EML1: variants seen among roughly 807,000 people sequenced by gnomAD.
EML1 encodes the protein EMAP like 1.
A neutral mutation model predicts 110.4 loss-of-function variants in EML1; 27 were observed. That is an observed-to-expected ratio of 0.24 (90% CI 0.18 to 0.34). The LOEUF (loss-of-function observed/expected upper bound fraction) is 0.34. Ranked by LOEUF, EML1 falls within the 10% of genes least tolerant of loss-of-function variation. EML1 has a pLI of 1.00. For synonymous variants in EML1, 344 were observed against 385.8 expected (o/e 0.89, Z 1.27); for missense variants, 741 against 1,030.9 (o/e 0.72, Z 3.85).
chr14:99,870,190 A>G (rs952095396), intron 3 of EML1, among the ~76,000 whole-genome samples: 1 of 152,236 alleles, frequency 6.6e-6, no homozygotes, highest in Non-Finnish European at 1.5e-5. Context: ...AGAAAGTTTG[A>G]GTGGTCAGAA....
intron 4 of EML1, among the ~76,000 whole-genome samples, chr14:99,887,531 T>A (rs1475906352): frequency 1.2e-5 from 1 of 82,048 alleles, no homozygotes; most frequent in East Asian, 2.5e-4. Context: ...GACTGGGCAT[T>A]CTCCCCCGCA....
upstream of EML1, among the ~76,000 whole-genome samples, chr14:99,768,073 T>G (rs2057385211): frequency 6.6e-6 from 1 of 152,106 alleles, no homozygotes. Context: ...TCACCCTGAT[T>G]TGAAGTCACT....
chr14:99,866,617 T>C (rs144041980), intron 3 of EML1, among the ~76,000 whole-genome samples: 1 of 148,270 alleles, frequency 6.7e-6, no homozygotes, highest in African/African-American at 2.5e-5. Context: ...GTGTTAAGTA[T>C]ATTCACGCAT....
At chr14:99,904,296 T>C (rs1486099082) in intron 9 of EML1, among the ~76,000 whole-genome samples, 1 of 152,202 alleles carries the variant, frequency 6.6e-6, no homozygotes, top group African/African-American at 2.4e-5. Context: ...TTAATTTCTC[T>C]CAAACTTTCG....
chr14:99,872,545 T>C (rs2059223373), intron 3 of EML1, among the ~76,000 whole-genome samples: 1 of 152,240 alleles, frequency 6.6e-6, no homozygotes, highest in Non-Finnish European at 1.5e-5. Context: ...TTTTCTAGAC[T>C]GAGTGTCCAA....
chr14:99,907,640 T>C lies in EML1; in HGVS notation c.1011T>C (p.Asn337=), dbSNP rs764209292. 3 of 1,614,010 alleles carry C rather than the reference T, an allele frequency of 1.9e-6. No individual in the cohort carries two copies. The highest frequency in any genetic ancestry group is 1.1e-5 in the South Asian group (1 of 90,996). ...AVTCIAFSKS[N]GGTNLCAVDD... ...CCTGTGAATAACTTTCTTTTCAGAATGGAGGAACCAATCTCTGTGCTGTGG... is the reference window on the plus strand; with the variant it reads ...CCTGTGAATAACTTTCTTTTCAGAACGGAGGAACCAATCTCTGTGCTGTGG... The change falls in exon 10 of 22, where the codon AAT becomes AAC. Residue 337 remains asparagine, a splice_region_variant and synonymous_variant. Transcript: ENST00000262233.
rs2060473186 is a variant in EML1, at chr14:99,936,447, A to G, written c.2095+113A>G. On this transcript the variant is annotated intron_variant, in intron 19 of 21. Coordinates refer to ENST00000262233, the MANE Select transcript of EML1 (RefSeq NM_004434.3). This position sits in a 1 kb window ranked among gnomAD's most constrained non-coding sequence, Gnocchi z 5.5. ...CTGTATGACTTAGGCACGTGCCATCATCTCTAGGTCATGGTTTCCGCCTCT... is the reference window on the plus strand; with the variant it reads ...CTGTATGACTTAGGCACGTGCCATCGTCTCTAGGTCATGGTTTCCGCCTCT... The G allele has an allele frequency of 3.2e-6, 3 of 936,430 alleles. No homozygotes were observed. The highest frequency in any genetic ancestry group is 1.6e-5 in the African/African-American group (1 of 60,616). 58.0% of individuals were successfully genotyped at this position (936,430 alleles called of 1,614,324 possible). A position where few individuals can be genotyped will look rare whatever the true frequency, so the allele number is the denominator to read the frequency against.
chr14:99,939,273 A>C lies in EML1; in HGVS notation c.2268A>C (p.Thr756=). ...CRAHEKKLLS[T]GDDFGKVHLF... is the part of the protein sequence containing the mutation. The stretch of plus-strand genomic sequence containing the variant: ...CCCATGAGAAGAAACTCCTGTCAAC[A>C]GGCGACGACTTTGGCAAAGTGCACC... The change falls in exon 21 of 22, where the codon ACA becomes ACC. Residue 756 remains threonine (T), a synonymous_variant. Transcript: ENST00000262233. This position sits in a 1 kb window ranked among gnomAD's most constrained non-coding sequence, Gnocchi z 4.2. The C allele has an allele frequency of 1.2e-6, 2 of 1,614,224 alleles. No homozygotes were observed. Among genetic ancestry groups the C allele is most frequent in the Non-Finnish European group, 8.5e-7 (1 of 1,180,038 alleles).
At chr14:99,929,869 A>T (rs2060335791) in intron 17 of EML1, among the ~76,000 whole-genome samples, 1 of 152,180 alleles carries the variant, frequency 6.6e-6, no homozygotes, top group Non-Finnish European at 1.5e-5. Context: ...TGATGAAATG[A>T]TGAGGGCTTT....
intron 1 of EML1, among the ~76,000 whole-genome samples, chr14:99,741,556 G>A (rs1386740942): frequency 6.6e-6 from 1 of 152,000 alleles, no homozygotes; most frequent in East Asian, 1.9e-4. Flanking sequence ...AACATTAGTG[G>A]GGCCACCCAA....
Position 99,939,384 on chromosome 14 carries a change from G to T in EML1, c.2322+57G>T. On this transcript the variant is annotated intron_variant, in intron 21 of 21. Transcript: ENST00000262233. The surrounding 1 kb of genome is among the most constrained non-coding windows in gnomAD (Gnocchi z 4.2). ...CCCCATGGGGCATGCACGTACACCC[G>T]ACCTGTTTGGAGACTAAGTGGAAAT... 1 of 1,598,386 alleles carries T rather than the reference G, an allele frequency of 6.3e-7. No homozygotes were observed. Among genetic ancestry groups the T allele is most frequent in the South Asian group, 1.1e-5 (1 of 89,092 alleles).
intron 1 of EML1, among the ~76,000 whole-genome samples, chr14:99,847,107 G>A (rs1229531532): frequency 6.6e-6 from 1 of 152,102 alleles, no homozygotes; most frequent in East Asian, 1.9e-4. Flanking sequence ...TTGATCCAAT[G>A]ATTATTTAGA....
intron 10 of EML1, among the ~76,000 whole-genome samples, chr14:99,908,151 G>C (rs144780026): frequency 1.3e-5 from 2 of 152,222 alleles, no homozygotes; most frequent in Non-Finnish European, 2.9e-5. Context: ...GGTATGGGCA[G>C]GGGCCGCCAG....
chr14:99,921,517 G>A (rs2060130020), intron 17 of EML1, among the ~76,000 whole-genome samples: 1 of 152,122 alleles, frequency 6.6e-6, no homozygotes, highest in Non-Finnish European at 1.5e-5. Flanking sequence ...CTGTGCTTGT[G>A]TTATGGAAAA....
intron 1 of EML1, among the ~76,000 whole-genome samples, chr14:99,840,546 C>A (rs1170441360): frequency 6.6e-6 from 1 of 152,108 alleles, no homozygotes; most frequent in Non-Finnish European, 1.5e-5. Flanking sequence ...AAGCTTAGGC[C>A]CTGACATACA....
At chr14:99,756,267 G>C (rs1217717917) in intron 1 of EML1, among the ~76,000 whole-genome samples, 27 of 152,346 alleles carry the variant, frequency 1.8e-4, no homozygotes, top group Admixed American at 1.8e-3. Context: ...CGACTTAAGG[G>C]GGTTTGGTGG....
rs564210798 is a variant in EML1 at position 99,925,022 on chromosome 14, G to T, written c.1909+4145G>T. 5.7e-4 allele frequency among the ~76,000 whole-genome samples: 87 copies of T among 152,214 alleles called. 1 individual carries two copies. The highest frequency in any genetic ancestry group is 1.0e-3 in the Non-Finnish European group (70 of 68,010). On this transcript the variant is annotated intron_variant, in intron 17 of 21. Coordinates refer to ENST00000262233, the MANE Select transcript of EML1 (RefSeq NM_004434.3). The stretch of plus-strand genomic sequence containing the variant: ...GCCTCCATGTTTCTAACAGATATTG[G>T]TGTATAGTTTTCTTTTCTTGTGGCA...
At chr14:99,909,321 T>G in intron 10 of EML1, 24 bp from the exon 11 acceptor site, 3 of 1,614,212 alleles carry the variant, frequency 1.9e-6, no homozygotes, top group Non-Finnish European at 2.5e-6. Flanking sequence ...ATGTGAGGCA[T>G]CCGAGTCCCT....
intron 1 of EML1, among the ~76,000 whole-genome samples, chr14:99,762,002 A>C (rs2057319176): frequency 6.6e-6 from 1 of 152,130 alleles, no homozygotes; most frequent in Non-Finnish European, 1.5e-5. Context: ...CACTTGGATC[A>C]GCCGGAAGGG....
Sources: allele counts gnomAD v4.1 joint callset (sites outside exome capture counted in the v4.1 genomes callset), GRCh38; gene constraint gnomAD v4.1.1; non-coding constraint Gnocchi (gnomAD v3.1); transcripts MANE v1.5; gene names NCBI Gene and HGNC (gene_info 2026-07-23, HGNC 2026-07-21).